Variants in CNTNAP4 observed in about 807,000 individuals in gnomAD.
The protein encoded by CNTNAP4 is contactin-associated protein-like 4.
A neutral mutation model predicts 148.4 loss-of-function variants in CNTNAP4; 98 were observed. The ratio of observed to expected loss-of-function variants is 0.66; its 90% CI spans 0.56 to 0.78. The LOEUF (loss-of-function observed/expected upper bound fraction) is 0.78, where lower values mean the gene tolerates loss of function less well. CNTNAP4 is among the 30% of genes least tolerant of loss of function. CNTNAP4 has a pLI of 0.00. For synonymous variants in CNTNAP4, 730 were observed against 565.1 expected, an observed-to-expected ratio of 1.29 and a Z score of -4.14; for missense variants, 1,935 against 1,565.6, an observed-to-expected ratio of 1.24 and a Z score of -3.98.
intron 9 of CNTNAP4, among the ~76,000 whole-genome samples, chr16:76,464,313 G>T (rs2081095564): frequency 6.6e-6 from 1 of 152,164 alleles, no homozygotes; most frequent in Non-Finnish European, 1.5e-5. Flanking sequence ...CTGGAGGAGG[G>T]CTAAAGTAGG....
intron 1 of CNTNAP4, among the ~76,000 whole-genome samples, chr16:76,284,249 C>A (rs920538746): frequency 6.6e-6 from 1 of 151,824 alleles, no homozygotes; most frequent in Non-Finnish European, 1.5e-5. Flanking sequence ...GTGGTGGTGG[C>A]ATGCAAATTC....
At chr16:76,339,172 A>C (rs1964263200) in intron 2 of CNTNAP4, among the ~76,000 whole-genome samples, 1 of 146,818 alleles carries the variant, frequency 6.8e-6, no homozygotes. Flanking sequence ...TGGCATTTAG[A>C]GATTTTTAAA....
In CNTNAP4 at chr16:76,489,679, A is replaced by C. The variant is rs1568375388; in HGVS notation, c.1883-7A>C. 3 of 1,519,096 alleles carry C rather than the reference A, an allele frequency of 2.0e-6. No individual in the cohort carries two copies. Among genetic ancestry groups the C allele is most frequent in the Admixed American group, 1.9e-5 (1 of 53,240 alleles). 94.1% of individuals were successfully genotyped at this position (1,519,096 alleles called of 1,614,324 possible). The stretch of plus-strand genomic sequence containing the variant: ...CCTCTCTTTCTCCCCCCATTTCTGC[A>C]TACAAGAAACTGCATGGACCATCAT... On this transcript the variant is annotated splice_region_variant and splice_polypyrimidine_tract_variant and intron_variant, in intron 12 of 23. Coordinates refer to ENST00000611870, the MANE Select transcript of CNTNAP4 (RefSeq NM_033401.5).
intron 4 of CNTNAP4, among the ~76,000 whole-genome samples, chr16:76,446,914 G>A (rs1205436091): frequency 6.6e-6 from 1 of 152,012 alleles, no homozygotes; most frequent in Non-Finnish European, 1.5e-5. Flanking sequence ...AGAATTCCAA[G>A]AACTCCATTA....
At chr16:76,359,751 T>C in intron 3 of CNTNAP4, among the ~76,000 whole-genome samples, 1 of 152,188 alleles carries the variant, frequency 6.6e-6, no homozygotes, top group East Asian at 1.9e-4. Context: ...CTAAACTTTC[T>C]CCTCTCAGAT....
chr16:76,443,371 C>T lies in CNTNAP4; in HGVS notation c.539-4641C>T, dbSNP rs558297062. ...CCTATTTATACAATTCAACTATGTA[C>T]AAAAGATTGTCTTCCCAGCCTGGGC... On this transcript the variant is annotated intron_variant, in intron 4 of 23. Coordinates refer to ENST00000611870, the MANE Select transcript of CNTNAP4 (RefSeq NM_033401.5). Among the ~76,000 whole-genome samples the T allele has an allele frequency of 3.3e-5, 5 of 152,148 alleles. No individual in the cohort carries two copies. The South Asian group carries it at 1.0e-3, about 32-fold the overall frequency.
intron 2 of CNTNAP4, among the ~76,000 whole-genome samples, 162 bp from the exon 3 acceptor site, chr16:76,355,156 T>C (rs541523983): frequency 1.3e-5 from 2 of 152,254 alleles, no homozygotes; most frequent in Admixed American, 6.5e-5. Context: ...ATAATTATAC[T>C]AAATTCTTAC....
intron 1 of CNTNAP4, among the ~76,000 whole-genome samples, chr16:76,296,016 T>C (rs907154904): frequency 1.3e-5 from 2 of 152,154 alleles, no homozygotes; most frequent in Admixed American, 6.5e-5. Context: ...AGTGTGTTCA[T>C]TTTTTGAAAC....
chr16:76,461,910 A>G (rs1478107706), intron 8 of CNTNAP4, 46 bp from the exon 9 acceptor site: 1 of 1,573,932 alleles, frequency 6.4e-7, no homozygotes, highest in Non-Finnish European at 8.7e-7. Context: ...AACTCCTTAT[A>G]GTGTTCACTA....
intron 23 of CNTNAP4, chr16:76,557,556 T>TA (rs1212880261): frequency 6.6e-6 from 1 of 152,192 alleles, no homozygotes; most frequent in Non-Finnish European, 1.5e-5. Flanking sequence ...ACAGCTTCAT[T>TA]AAGGAGATTC....
chr16:76,459,918 C>T (rs1283293532), intron 8 of CNTNAP4, among the ~76,000 whole-genome samples: 6 of 152,090 alleles, frequency 3.9e-5, no homozygotes, highest in Admixed American at 3.9e-4. Flanking sequence ...CTGGGGCTTC[C>T]TTAGGAGGGA....
chr16:76,427,100 T>G (rs2079431749), intron 3 of CNTNAP4, among the ~76,000 whole-genome samples: 1 of 152,166 alleles, frequency 6.6e-6, no homozygotes, highest in Admixed American at 6.6e-5. Flanking sequence ...TGGAGAATAT[T>G]TTCTCAATTT....
intron 1 of CNTNAP4, among the ~76,000 whole-genome samples, chr16:76,298,649 T>G (rs947466159): frequency 1.3e-5 from 2 of 151,986 alleles, no homozygotes; most frequent in Admixed American, 6.6e-5. Context: ...AAACACACCC[T>G]TAAAGTAATG....
chr16:76,454,955 G>A (rs34677872), intron 8 of CNTNAP4, among the ~76,000 whole-genome samples: 33,997 of 152,092 alleles, frequency 0.22, 4,847 homozygotes, highest in Non-Finnish European at 0.31. Context: ...AGATTAAATT[G>A]TATTGAGAAA....
Position 76,277,851 on chromosome 16 carries a change from C to G in CNTNAP4, c.85+104C>G, listed in dbSNP as rs1434700642. ...ATTTGCAGCTGGGATTGCTGCAAAG[C>G]GTATTGCTGTAAACCAAGCATCACT... On this transcript the variant is annotated intron_variant, in intron 1 of 23. Coordinates refer to ENST00000611870, the MANE Select transcript of CNTNAP4 (RefSeq NM_033401.5). The G allele has an allele frequency of 1.2e-5, 9 of 752,732 alleles. No individual in the cohort carries two copies. In the East Asian group the frequency reaches 2.4e-4, roughly 20 times the overall value. 46.6% of individuals were successfully genotyped at this position (752,732 alleles called of 1,614,324 possible).
chr16:76,514,863 T>C (rs2083185488), intron 15 of CNTNAP4, among the ~76,000 whole-genome samples: 1 of 152,200 alleles, frequency 6.6e-6, no homozygotes, highest in South Asian at 2.1e-4. Flanking sequence ...AAATCTATAT[T>C]TTTCAGCTTA....
intron 2 of CNTNAP4, among the ~76,000 whole-genome samples, chr16:76,322,861 G>C (rs1372805422): frequency 6.7e-6 from 1 of 149,306 alleles, no homozygotes; most frequent in African/African-American, 2.5e-5. Context: ...TTTTGAGACA[G>C]TCTTACTTTG....
At chr16:76,533,800 A>G (rs1258583345) in intron 17 of CNTNAP4, among the ~76,000 whole-genome samples, 1 of 152,190 alleles carries the variant, frequency 6.6e-6, no homozygotes, top group Non-Finnish European at 1.5e-5. Context: ...TGACAATGGC[A>G]ATATGTTGAC....
Position 76,427,468 on chromosome 16 carries a change from C to A in CNTNAP4, c.407C>A (p.Ala136Glu), listed in dbSNP as rs754890371. 1 of 1,603,904 alleles carries A rather than the reference C, an allele frequency of 6.2e-7. No homozygotes were observed. Among genetic ancestry groups the A allele is most frequent in the Admixed American group, 1.7e-5 (1 of 57,720 alleles). Residue 136 changes from alanine to glutamate, a missense_variant, in exon 4 of 24, where the codon GCA becomes GAA. Physicochemically the swap from Ala to Glu is moderately radical, Grantham distance 107. Transcript: ENST00000611870. ...EDSIWGFSGN[A>E]NADSVVYYRL... ...TTCTTTTAGGGTTTTTCAGGAAATG[C>A]AAATGCAGACAGTGTTGTGTACTAT...
Sources: allele counts gnomAD v4.1 joint callset (sites outside exome capture counted in the v4.1 genomes callset), GRCh38; gene constraint gnomAD v4.1.1; transcripts MANE v1.5; gene names NCBI Gene and HGNC (gene_info 2026-07-23, HGNC 2026-07-21).